The following VPS53 variants were observed in gnomAD, a reference collection of about 807,000 sequenced individuals.
VPS53 encodes the protein vacuolar protein sorting-associated protein 53 homolog.
VPS53 carries 70 observed loss-of-function variants against 107.0 expected under a neutral mutation model. The ratio of observed to expected loss-of-function variants is 0.65; its 90% CI spans 0.54 to 0.80. The LOEUF (loss-of-function observed/expected upper bound fraction) is 0.80. Ranked by LOEUF, VPS53 falls within the 30% of genes least tolerant of loss-of-function variation. The probability of loss-of-function intolerance (pLI) is 0.00; values close to 1 mark genes in which losing one functional copy is unlikely to be tolerated. For missense variants in VPS53, 917 were observed against 1,049.4 expected, an observed-to-expected ratio of 0.87 and a Z score of 1.74; for synonymous variants, 409 against 393.3, an observed-to-expected ratio of 1.04 and a Z score of -0.47.
chr17:638,983 G>A (rs1403426694), intron 7 of VPS53, among the ~76,000 whole-genome samples: 1 of 152,170 alleles, frequency 6.6e-6, no homozygotes, highest in Non-Finnish European at 1.5e-5. Context: ...GGTTGGGGAA[G>A]TTCTCCTGAA....
chr17:597,191 G>T (rs994367527), intron 12 of VPS53, among the ~76,000 whole-genome samples: 2 of 152,092 alleles, frequency 1.3e-5, no homozygotes, highest in African/African-American at 4.8e-5. Context: ...TAGTGAGCAG[G>T]GTGTGACCCT....
chr17:665,227 T>G (rs1971631521), intron 4 of VPS53, among the ~76,000 whole-genome samples: 1 of 152,138 alleles, frequency 6.6e-6, no homozygotes, highest in Admixed American at 6.5e-5. Flanking sequence ...TTTCTTGCCT[T>G]CCAACTCTGC....
intron 4 of VPS53, among the ~76,000 whole-genome samples, chr17:676,592 T>C (rs1972169089): frequency 6.6e-6 from 1 of 152,202 alleles, no homozygotes; most frequent in African/African-American, 2.4e-5. Flanking sequence ...AGATGGTGAG[T>C]TACGCTTGAC....
At chr17:571,675 T>C (rs1424860912) in intron 13 of VPS53, among the ~76,000 whole-genome samples, 3 of 152,262 alleles carry the variant, frequency 2.0e-5, no homozygotes, top group African/African-American at 4.8e-5. Context: ...GCCGAGTGCC[T>C]GCGATTGCAG....
intron 4 of VPS53, among the ~76,000 whole-genome samples, chr17:695,604 C>A (rs1315788248): frequency 1.3e-5 from 2 of 151,950 alleles, no homozygotes; most frequent in African/African-American, 4.8e-5. Context: ...GGCTGGAGTG[C>A]AGTGGCGCGA....
intron 1 of VPS53, among the ~76,000 whole-genome samples, chr17:712,788 T>G (rs1213834438): frequency 1.3e-5 from 2 of 152,188 alleles, no homozygotes; most frequent in Non-Finnish European, 2.9e-5. Context: ...CCCCAAAAGC[T>G]GTTGAAACAA....
intron 7 of VPS53, among the ~76,000 whole-genome samples, chr17:641,368 C>G (rs1291188272): frequency 6.6e-6 from 1 of 152,214 alleles, no homozygotes; most frequent in African/African-American, 2.4e-5. Context: ...GGCCTCATTC[C>G]TTTAAACTCC....
rs1907902176 is a variant in VPS53 at position 510,848 on chromosome 17, C to G, written c.*8280G>C. ...CACCCTCCTCTGGCCTCCGAGCTAG[C>G]CAGCTGCTGATCCAAAGCTCTGGAT... On this transcript the variant is annotated 3_prime_UTR_variant, in exon 22 of 22. Transcript: ENST00000437048. 1 of 152,618 alleles carries G rather than the reference C, an allele frequency of 6.6e-6. No homozygotes were observed. The highest frequency in any genetic ancestry group is 1.5e-5 in the Non-Finnish European group (1 of 68,312). 9.5% of individuals were successfully genotyped at this position (152,618 alleles called of 1,614,324 possible).
chr17:710,667 T>A, intron 1 of VPS53, 54 bp from the exon 2 acceptor site: 1 of 1,350,608 alleles, frequency 7.4e-7, no homozygotes, highest in East Asian at 2.4e-5. Flanking sequence ...CGTAAATATA[T>A]ATAATTTTAA....
rs1266209669 is a variant in VPS53 at position 598,999 on chromosome 17, G to GGGGA, written c.1218+2795_1218+2796insTCCC. ...GCCGCCCCGTCCGGGAGGGAGGTGG[G>GGGGA]GGGGGGGGTCAGCCCCCAACCCGGC... On this transcript the variant is annotated intron_variant, in intron 12 of 21. Transcript: ENST00000437048. 6.3e-4 allele frequency among the ~76,000 whole-genome samples: 67 copies of GGGGA among 105,670 alleles called. 2 individuals are homozygous for GGGGA. Among genetic ancestry groups the GGGGA allele is most frequent in the African/African-American group, 2.3e-3 (65 of 27,984 alleles). 69.3% of individuals were successfully genotyped at this position (105,670 alleles called of 152,430 possible). A position where few individuals can be genotyped will look rare whatever the true frequency, so the allele number is the denominator to read the frequency against.
Position 714,674 on chromosome 17 carries a change from C to T in VPS53, c.36G>A (p.Glu12=), listed in dbSNP as rs769817925. The part of the protein sequence containing the change: ...MEEEELEFVE[E]LEAVLQLTPE... ...GCGTGAGCTGCAGCACGGCTTCCAGCTCCTCCACGAACTCCAGTTCCTCCT... is the reference window on the plus strand; with the variant it reads ...GCGTGAGCTGCAGCACGGCTTCCAGTTCCTCCACGAACTCCAGTTCCTCCT... Residue 12 remains glutamate, a synonymous_variant, in exon 1 of 22, where the codon GAG becomes GAA. Transcript: ENST00000437048. 7 of 1,613,604 alleles carry T rather than the reference C, an allele frequency of 4.3e-6. No individual in the cohort carries two copies. The Admixed American group carries it at 1.0e-4, about 23-fold the overall frequency.
intron 11 of VPS53, among the ~76,000 whole-genome samples, chr17:615,566 GT>G (rs1334274036): frequency 5.9e-5 from 9 of 152,162 alleles, no homozygotes; most frequent in Non-Finnish European, 1.0e-4. Context: ...GTCTCTGGCC[GT>G]TTTGGCTCCT....
At chr17:699,510 CT>C in intron 2 of VPS53, 130 bp from the exon 3 acceptor site, 13 of 634,914 alleles carry the variant, frequency 2.0e-5, no homozygotes, top group Middle Eastern at 2.8e-4. Context: ...ATGAGTTTTG[CT>C]TTAAAAAAAA....
At chr17:602,728 C>G (rs1968383901) in intron 11 of VPS53, among the ~76,000 whole-genome samples, 1 of 152,146 alleles carries the variant, frequency 6.6e-6, no homozygotes, top group African/African-American at 2.4e-5. Flanking sequence ...AATGTGAAAC[C>G]CTAGAAGCAG....
At chr17:558,170 A>G (rs910943893) in intron 15 of VPS53, among the ~76,000 whole-genome samples, 2 of 152,248 alleles carry the variant, frequency 1.3e-5, no homozygotes, top group Non-Finnish European at 2.9e-5. Context: ...AGGATTATCT[A>G]TAAAAGCAAA....
At chr17:665,144 T>C (rs1460103860) in intron 4 of VPS53, among the ~76,000 whole-genome samples, 1 of 152,152 alleles carries the variant, frequency 6.6e-6, no homozygotes, top group African/African-American at 2.4e-5. Flanking sequence ...CACGAACAAA[T>C]GAATGGCATT....
intron 15 of VPS53, among the ~76,000 whole-genome samples, chr17:554,092 C>T (rs1912119430): frequency 6.6e-6 from 1 of 152,118 alleles, no homozygotes; most frequent in Admixed American, 6.5e-5. Context: ...TACTCCCTGC[C>T]CCATGAACTA....
rs1908079029 is a variant in VPS53, at chr17:513,524, A to C, written c.*5604T>G. 1 of 152,180 alleles carries C rather than the reference A, an allele frequency of 6.6e-6. No homozygotes were observed. 9.4% of individuals were successfully genotyped at this position (152,180 alleles called of 1,614,324 possible). ...TGCTTAAATTGCCCATTGGAGCTCT[A>C]TTTTATTTTTAGGAATCTGACTTGG... On this transcript the variant is annotated 3_prime_UTR_variant, in exon 22 of 22. Coordinates refer to ENST00000437048, the MANE Select transcript of VPS53 (RefSeq NM_001128159.3).
rs191076081 is a variant in VPS53 at position 520,364 on chromosome 17, G to A, written c.2224-434C>T. On this transcript the variant is annotated intron_variant, in intron 20 of 21. Transcript: ENST00000437048. This position sits in a 1 kb window ranked among gnomAD's most constrained non-coding sequence, Gnocchi z 4.4. ...TGTTCCAGGCATTTCACCAGTACAC[G>A]GTACTTGCTCCTTCTGCCTTGACGT... is the stretch of plus-strand genomic sequence containing the variant. Among the ~76,000 whole-genome samples the A allele has an allele frequency of 2.8e-4, 43 of 152,202 alleles. No individual in the cohort carries two copies. The highest frequency in any genetic ancestry group is 1.0e-3 in the African/African-American group (43 of 41,544).
Sources: gnomAD v4.1 joint callset for allele counts (sites outside exome capture counted in the v4.1 genomes callset) on GRCh38, gnomAD v4.1.1 for gene constraint, Gnocchi (gnomAD v3.1) non-coding constraint, MANE v1.5 for transcripts, NCBI Gene and HGNC (gene_info 2026-07-23, HGNC 2026-07-21) for gene names.